Variants in ACSL3 observed in about 807,000 individuals in gnomAD.
ACSL3 encodes the protein acyl-CoA synthetase long chain family member 3.
ACSL3 carries 34 observed loss-of-function variants against 84.7 expected under a neutral mutation model. That is an observed-to-expected ratio of 0.40 (90% CI 0.31 to 0.53). The LOEUF (loss-of-function observed/expected upper bound fraction) is 0.53, where lower values mean the gene tolerates loss of function less well. ACSL3 is among the 20% of genes least tolerant of loss of function. The pLI is 0.48. For synonymous variants in ACSL3, 315 were observed against 299.4 expected (o/e 1.05, Z -0.54); for missense variants, 680 against 873.1 (o/e 0.78, Z 2.79).
intron 11 of ACSL3, among the ~76,000 whole-genome samples, chr2:222,924,828 C>G (rs565735703): frequency 1.3e-5 from 2 of 151,618 alleles, no homozygotes; most frequent in Non-Finnish European, 2.9e-5. Context: ...TCGAGACCAT[C>G]CTGGCTAACA....
chr2:222,878,426 T>G (rs1456315185), intron 1 of ACSL3, among the ~76,000 whole-genome samples: 1 of 152,238 alleles, frequency 6.6e-6, no homozygotes, highest in Non-Finnish European at 1.5e-5. Flanking sequence ...TTTAATGTCA[T>G]TGCTGCTTAT....
intron 1 of ACSL3, among the ~76,000 whole-genome samples, chr2:222,862,702 T>A (rs1695043847): frequency 9.8e-6 from 1 of 102,228 alleles, no homozygotes; most frequent in Non-Finnish European, 2.2e-5. Context: ...CTGGTTTCTC[T>A]TTTGTATAAA....
chr2:222,907,405 G>A (rs940635438), intron 3 of ACSL3, among the ~76,000 whole-genome samples: 4 of 152,164 alleles, frequency 2.6e-5, no homozygotes, highest in African/African-American at 7.2e-5. Context: ...GGAAGAAATC[G>A]TAGTCCTGGA....
At chr2:222,925,328 C>T (rs989411656) in intron 11 of ACSL3, among the ~76,000 whole-genome samples, 17 of 127,278 alleles carry the variant, frequency 1.3e-4, no homozygotes, top group Non-Finnish European at 2.2e-4. Flanking sequence ...TGACAGAGTG[C>T]GAGACTCTTG....
intron 1 of ACSL3, among the ~76,000 whole-genome samples, chr2:222,862,714 A>G (rs79256313): frequency 6.6e-6 from 1 of 151,884 alleles, no homozygotes; most frequent in Non-Finnish European, 1.5e-5. Flanking sequence ...TTGTATAAAA[A>G]TATTGGTTTT....
chr2:222,921,225 T>C, intron 7 of ACSL3, 55 bp from the exon 8 acceptor site: 1 of 1,551,278 alleles, frequency 6.4e-7, no homozygotes. Context: ...AAGAAATTGT[T>C]GATACAGCTG....
chr2:222,934,954 G>C (rs1224620650), intron 16 of ACSL3, among the ~76,000 whole-genome samples: 1 of 152,130 alleles, frequency 6.6e-6, no homozygotes, highest in African/African-American at 2.4e-5. Context: ...TATGTCAGCT[G>C]TTCTTCAAGG....
At position 222,941,154 on chromosome 2, in the gene ACSL3, T is replaced by C. The variant is rs182547754; in HGVS notation, c.2006-343T>C. ...TATGTTACCGAGGCTGGCCTTGAAT[T>C]CCTGGCCTCAAGCGATCCTCCTGCC... On this transcript the variant is annotated intron_variant, in intron 16 of 16. Transcript: ENST00000357430. Among the ~76,000 whole-genome samples the C allele has an allele frequency of 9.9e-5, 15 of 152,242 alleles. No homozygotes were observed. In the East Asian group the frequency reaches 2.9e-3, roughly 29 times the overall value.
intron 1 of ACSL3, among the ~76,000 whole-genome samples, chr2:222,870,956 A>G (rs1559275533): frequency 6.6e-6 from 1 of 152,192 alleles, no homozygotes. Context: ...CACACTGGCA[A>G]CATGAATGAA....
chr2:222,932,470 A>G (rs6722786), intron 14 of ACSL3, among the ~76,000 whole-genome samples: 62,484 of 151,882 alleles, frequency 0.41, 13,451 homozygotes, highest in East Asian at 0.76. Context: ...CTGGGATTAC[A>G]GGTGTGCACC....
At chr2:222,937,465 C>T (rs1334082261) in intron 16 of ACSL3, among the ~76,000 whole-genome samples, 2 of 151,928 alleles carry the variant, frequency 1.3e-5, no homozygotes, top group East Asian at 3.8e-4. Flanking sequence ...TCAGTGTTTG[C>T]TTCATATATT....
In ACSL3 at chr2:222,928,786, T is replaced by C. The variant is rs549809785; in HGVS notation, c.1466-76T>C. On this transcript the variant is annotated intron_variant, in intron 12 of 16. Coordinates refer to ENST00000357430, the MANE Select transcript of ACSL3 (RefSeq NM_004457.5). Reference sequence around the variant, plus strand: ...ACCTCAGCCTTAGGATAAATAATCATTTTTGGTAATTTAGAAAAATGAAGC... The same window carrying C: ...ACCTCAGCCTTAGGATAAATAATCACTTTTGGTAATTTAGAAAAATGAAGC... 3 of 1,210,454 alleles carry C rather than the reference T, an allele frequency of 2.5e-6. No homozygotes were observed. The South Asian group carries it at 3.8e-5, about 15-fold the overall frequency. The allele number at this position is 1,210,454 out of a possible 1,614,324, so 75.0% of individuals were successfully genotyped here. A position where few individuals can be genotyped will look rare whatever the true frequency, so the allele number is the denominator to read the frequency against.
intron 4 of ACSL3, 116 bp from the exon 5 acceptor site, chr2:222,916,199 AAAAG>A (rs1353152522): frequency 1.6e-6 from 1 of 634,294 alleles, no homozygotes. Flanking sequence ...CTTTTTATTA[AAAAG>A]ATAATTCTAT....
rs533722912 is a variant in ACSL3 at position 222,867,178 on chromosome 2, C to A, written c.-207+5920C>A. ...TGAACATAATTCCTCAGGATGCTTT[C>A]CCCTTTAACCTTACTTCGCAGGAAT... On this transcript the variant is annotated intron_variant, in intron 1 of 16. Coordinates refer to ENST00000357430, the MANE Select transcript of ACSL3 (RefSeq NM_004457.5). 9.0e-4 allele frequency among the ~76,000 whole-genome samples: 137 copies of A among 152,208 alleles called. 1 individual carries two copies. In the Middle Eastern group the frequency reaches 0.01, roughly 11 times the overall value.
At chr2:222,867,496 T>C (rs1463536385) in intron 1 of ACSL3, among the ~76,000 whole-genome samples, 1 of 152,216 alleles carries the variant, frequency 6.6e-6, no homozygotes, top group African/African-American at 2.4e-5. Context: ...TCTTAAACTT[T>C]ATATAGATGG....
At chr2:222,899,446 G>C (rs2106109843) in intron 2 of ACSL3, among the ~76,000 whole-genome samples, 1 of 152,174 alleles carries the variant, frequency 6.6e-6, no homozygotes, top group East Asian at 1.9e-4. Flanking sequence ...CTGCTCTCCA[G>C]CCAGGCAACG....
intron 13 of ACSL3, 107 bp from the exon 14 acceptor site, chr2:222,930,514 G>A (rs1697000683): frequency 2.1e-6 from 2 of 957,184 alleles, no homozygotes; most frequent in Admixed American, 3.1e-5. Context: ...TTTTCCTTTG[G>A]GAAGTTCTAA....
chr2:222,922,063 G>C (rs966584431), intron 8 of ACSL3, among the ~76,000 whole-genome samples: 1 of 152,088 alleles, frequency 6.6e-6, no homozygotes, highest in Non-Finnish European at 1.5e-5. Context: ...TGTCTCTTAC[G>C]TATGCATACA....
intron 16 of ACSL3, among the ~76,000 whole-genome samples, chr2:222,937,759 A>G (rs141421807): frequency 0.011 from 1,657 of 152,230 alleles, 15 homozygotes; most frequent in African/African-American, 0.024. Context: ...GTCAATCTGT[A>G]TCTTTTAATT....
Sources: allele counts gnomAD v4.1 joint callset (sites outside exome capture counted in the v4.1 genomes callset), GRCh38; gene constraint gnomAD v4.1.1; transcripts MANE v1.5; gene names NCBI Gene and HGNC (gene_info 2026-07-23, HGNC 2026-07-21).